The following RNF213 variants were observed in gnomAD, a reference collection of about 807,000 sequenced individuals.
RNF213 encodes the protein ring finger protein 213.
Under a neutral mutation model 514.4 loss-of-function variants are expected in RNF213, and 341 were observed. That is an observed-to-expected ratio of 0.66 (90% CI 0.61 to 0.73). The LOEUF is 0.73. Ranked by LOEUF, RNF213 falls within the 30% of genes least tolerant of loss-of-function variation. The pLI, the probability that RNF213 is intolerant of heterozygous loss-of-function variation, is 0.00. For missense variants in RNF213, 5,767 were observed against 6,615.6 expected, an observed-to-expected ratio of 0.87 and a Z score of 4.45; for synonymous variants, 2,655 against 2,658.2, an observed-to-expected ratio of 1.00 and a Z score of 0.04.
Position 80,369,517 on chromosome 17 carries a change from G to C in RNF213, c.12171G>C (p.Lys4057Asn). Residue 4057 changes from lysine (K) to asparagine (N), a missense_variant, in exon 45 of 68, where the codon AAG (lysine) becomes AAC (asparagine). Coordinates refer to ENST00000582970, the MANE Select transcript of RNF213 (RefSeq NM_001256071.3). ...VSQAHREAIEKHARFRQMCNS... is the reference protein window; with the variant it reads ...VSQAHREAIENHARFRQMCNS... The stretch of plus-strand genomic sequence containing the variant: ...GTGTTCTAAGGGAAGCCATTGAAAA[G>C]CATGCCCGCTTCCGGCAGATGTGCA... The C allele has an allele frequency of 6.2e-7, 1 of 1,613,606 alleles. No homozygotes were observed. Among genetic ancestry groups the C allele is most frequent in the Non-Finnish European group, 8.5e-7 (1 of 1,180,034 alleles).
At chr17:80,384,799 C>T (rs1340083971) in intron 59 of RNF213, 5 of 551,424 alleles carry the variant, frequency 9.1e-6, no homozygotes, top group Non-Finnish European at 1.6e-5. Context: ...GCGGCTGATG[C>T]GTCAGCTCCA....
chr17:80,326,282 A>G (rs6565675), intron 18 of RNF213, among the ~76,000 whole-genome samples: 95,399 of 152,006 alleles, frequency 0.63, 30,721 homozygotes, highest in Middle Eastern at 0.69. Context: ...GCACCACCAT[A>G]CCCAGCCTGT....
rs1026141820 is a variant in RNF213 at position 80,353,912 on chromosome 17, G to A, written c.10579-107G>A. ...CTCTTCTTTGTCCGTGAGGACCGCC[G>A]CCCTGTGCTGTTTGCTGCATTGAGA... On this transcript the variant is annotated intron_variant, in intron 34 of 67. Coordinates refer to ENST00000582970, the MANE Select transcript of RNF213 (RefSeq NM_001256071.3). The surrounding 1 kb of genome is among the most constrained non-coding windows in gnomAD (Gnocchi z 5.0). 109 of 1,450,446 alleles carry A rather than the reference G, an allele frequency of 7.5e-5. No individual in the cohort carries two copies. Among genetic ancestry groups the A allele is most frequent in the Middle Eastern group, 1.7e-4 (1 of 5,802 alleles). 89.8% of individuals were successfully genotyped at this position (1,450,446 alleles called of 1,614,324 possible). A position where few individuals can be genotyped will look rare whatever the true frequency, so the allele number is the denominator to read the frequency against.
Position 80,355,823 on chromosome 17 carries a change from G to A in RNF213, c.10862+1247G>A, listed in dbSNP as rs529884335. Among the ~76,000 whole-genome samples, 105 of 123,030 alleles carry A rather than the reference G, an allele frequency of 8.5e-4. 6 individuals are homozygous for A. Among genetic ancestry groups the A allele is most frequent in the African/African-American group, 3.7e-3 (99 of 27,024 alleles). 80.7% of individuals were successfully genotyped at this position (123,030 alleles called of 152,430 possible). On this transcript the variant is annotated intron_variant, in intron 36 of 67. Transcript: ENST00000582970. ...GGTGACCGGGAATGGGGGCTTACAG[G>A]AGAAGAAGCGGGGTGAACGGGAATG...
chr17:80,340,160 T>C lies in RNF213; in HGVS notation c.5793T>C (p.Asp1931=), dbSNP rs773575910. 1.2e-6 allele frequency: 2 copies of C among 1,613,728 alleles called. No individual in the cohort carries two copies. Among genetic ancestry groups the C allele is most frequent in the South Asian group, 1.1e-5 (1 of 91,058 alleles). The part of the protein sequence containing the change: ...REDYQLVMVC[D]GDWEHCYLPS... ...ACTACCAGCTCGTCATGGTCTGTGA[T>C]GGGGACTGGGAGCACTGCTACCTCC... Residue 1931 remains aspartate, a synonymous_variant, in exon 26 of 68, where the codon GAT becomes GAC. Coordinates refer to ENST00000582970, the MANE Select transcript of RNF213 (RefSeq NM_001256071.3).
At chr17:80,375,937 GA>G in intron 51 of RNF213, 67 bp downstream of exon 51, 1 of 1,175,482 alleles carries the variant, frequency 8.5e-7, no homozygotes, top group Non-Finnish European at 1.3e-6. Context: ...TGAATAGAAT[GA>G]AAGTTATCAA....
intron 12 of RNF213, 77 bp downstream of exon 12, chr17:80,306,545 T>C (rs1176865135): frequency 7.0e-7 from 1 of 1,426,108 alleles, no homozygotes; most frequent in Non-Finnish European, 9.8e-7. Context: ...AAGCTCAGGA[T>C]TCTTATTCCT....
Position 80,389,996 on chromosome 17 carries a change from T to A in RNF213, c.15286-16T>A. 6.2e-7 allele frequency: 1 copy of A among 1,614,224 alleles called. No homozygotes were observed. On this transcript the variant is annotated splice_polypyrimidine_tract_variant and intron_variant, in intron 66 of 67. Coordinates refer to ENST00000582970, the MANE Select transcript of RNF213 (RefSeq NM_001256071.3). ...CTGCAGGCTTTAATGCTTCATTTGC[T>A]CTTCCGTCGTTTTAGGAGCCATTTG...
chr17:80,320,086 G>A (rs1053808032), intron 17 of RNF213: 60 of 910,800 alleles, frequency 6.6e-5, no homozygotes, highest in Non-Finnish European at 7.5e-5. Context: ...AGGTTTTGGG[G>A]TAGTCACAGA....
chr17:80,290,858 G>T, intron 7 of RNF213, 130 bp downstream of exon 7: 1 of 1,043,328 alleles, frequency 9.6e-7, no homozygotes, highest in South Asian at 1.4e-5. Flanking sequence ...CACCCAGGCT[G>T]GAGTGTGGTG....
At position 80,353,243 on chromosome 17, in the gene RNF213, C is replaced by T. The variant is rs928805374; in HGVS notation, c.10423+184C>T. The T allele has an allele frequency of 1.0e-5, 9 of 873,494 alleles. No homozygotes were observed. The highest frequency in any genetic ancestry group is 5.3e-5 in the East Asian group (2 of 37,904). The allele number at this position is 873,494 out of a possible 1,614,324, so 54.1% of individuals were successfully genotyped here. On this transcript the variant is annotated intron_variant, in intron 33 of 67. Transcript: ENST00000582970. This position sits in a 1 kb window ranked among gnomAD's most constrained non-coding sequence, Gnocchi z 5.0. ...ATAGAGCACCAGGGCCGAGCAGGTG[C>T]GCTTACCACAGGCTGAGGTAGAGCT...
rs749168681 is a variant in RNF213, at chr17:80,306,433, C to A, written c.2392C>A (p.Arg798=). 1 of 1,614,110 alleles carries A rather than the reference C, an allele frequency of 6.2e-7. No homozygotes were observed. The highest frequency in any genetic ancestry group is 1.1e-5 in the South Asian group (1 of 91,068). ...GGACTGTCTTTCAGGGATTTACTACCGGCTTCCGGGACTTGAGCAAGTCTT... is the reference window on the plus strand; with the variant it reads ...GGACTGTCTTTCAGGGATTTACTACAGGCTTCCGGGACTTGAGCAAGTCTT... The part of the protein sequence containing the change: ...ILDCLSGIYY[R]LPGLEQVLNT... The change falls in exon 12 of 68, where the codon CGG becomes AGG. Residue 798 remains arginine (R), a synonymous_variant. Transcript: ENST00000582970.
Position 80,305,619 on chromosome 17 carries a change from T to G in RNF213, c.2211-633T>G, listed in dbSNP as rs560457184. Among the ~76,000 whole-genome samples the G allele has an allele frequency of 1.1e-3, 158 of 149,514 alleles. 1 individual carries two copies. Among genetic ancestry groups the G allele is most frequent in the African/African-American group, 3.7e-3 (152 of 41,064 alleles). ...AGTTAATTCTCCTTTTTTCTTTCCT[T>G]TTTTTTTTTTGAGACAGAGTCTCAC... On this transcript the variant is annotated intron_variant, in intron 11 of 67. Coordinates refer to ENST00000582970, the MANE Select transcript of RNF213 (RefSeq NM_001256071.3).
rs2078205796 is a variant in RNF213 at position 80,343,033 on chromosome 17, C to T, written c.5990-99C>T. On this transcript the variant is annotated intron_variant, in intron 26 of 67. Transcript: ENST00000582970. This position sits in a 1 kb window ranked among gnomAD's most constrained non-coding sequence, Gnocchi z 4.3. ...ACGTTGACCAGGCTGGCTTTGAACT[C>T]CTGACCTCAAGTGATCCCCCCGCCT... The T allele has an allele frequency of 1.0e-6, 1 of 979,126 alleles. No homozygotes were observed. 60.7% of individuals were successfully genotyped at this position (979,126 alleles called of 1,614,324 possible). A position where few individuals can be genotyped will look rare whatever the true frequency, so the allele number is the denominator to read the frequency against.
chr17:80,265,048 T>G (rs796205184), intron 2 of RNF213, among the ~76,000 whole-genome samples: 1,843 of 140,934 alleles, frequency 0.013, 47 homozygotes, highest in African/African-American at 0.046. Flanking sequence ...TTGTTTGTTT[T>G]TTTTTTTTTT....
intron 3 of RNF213, among the ~76,000 whole-genome samples, chr17:80,283,260 A>G (rs2044360114): frequency 6.6e-6 from 1 of 152,128 alleles, no homozygotes; most frequent in African/African-American, 2.4e-5. Flanking sequence ...TCCCTAACTC[A>G]GGGCCAGGTG....
At chr17:80,279,621 C>A (rs141359625) in intron 3 of RNF213, among the ~76,000 whole-genome samples, 4 of 151,786 alleles carry the variant, frequency 2.6e-5, no homozygotes, top group African/African-American at 9.7e-5. Context: ...CCTGCCACCA[C>A]GCCCGGCTAC....
Position 80,260,911 on chromosome 17 carries a change from G to C in RNF213, c.-109+9G>C, listed in dbSNP as rs926716659. 2 of 151,274 alleles carry C rather than the reference G, an allele frequency of 1.3e-5. No homozygotes were observed. Among genetic ancestry groups the C allele is most frequent in the Non-Finnish European group, 3.0e-5 (2 of 67,528 alleles). 9.4% of individuals were successfully genotyped at this position (151,274 alleles called of 1,614,324 possible). On this transcript the variant is annotated intron_variant, in intron 1 of 67. Transcript: ENST00000582970. ...GAGCTCGGGGGCCGCAGGTGCGAGC[G>C]GGCCTGGAGAGTCTCCCGGGGCGGG...
At chr17:80,338,086 G>T (rs1272058662) in intron 25 of RNF213, 89 bp downstream of exon 25, 1 of 1,468,130 alleles carries the variant, frequency 6.8e-7, no homozygotes, top group East Asian at 2.5e-5. Context: ...GAAAGGATTT[G>T]ACTTGGGATT....
Sources: allele counts gnomAD v4.1 joint callset (sites outside exome capture counted in the v4.1 genomes callset), GRCh38; gene constraint gnomAD v4.1.1; non-coding constraint Gnocchi (gnomAD v3.1); transcripts MANE v1.5; gene names NCBI Gene and HGNC (gene_info 2026-07-23, HGNC 2026-07-21).